NCOA5: variants seen among roughly 807,000 people sequenced by gnomAD.
NCOA5 encodes NCoA-5.
NCOA5 carries 12 observed loss-of-function variants against 59.0 expected under a neutral mutation model. The observed-to-expected ratio is 0.20, with a 90% confidence interval of 0.13 to 0.33. NCOA5 has a LOEUF of 0.33. Ranked by LOEUF, NCOA5 falls within the 10% of genes least tolerant of loss-of-function variation. NCOA5 has a pLI of 1.00. For missense variants in NCOA5, 655 were observed against 766.6 expected (o/e 0.85, Z 1.72); for synonymous variants, 270 against 275.5 (o/e 0.98, Z 0.20).
In NCOA5 at chr20:46,070,528, T is replaced by C. The variant is rs1320682001; in HGVS notation, c.47A>G (p.Tyr16Cys). The C allele has an allele frequency of 1.9e-6, 3 of 1,612,994 alleles. No homozygotes were observed. Among genetic ancestry groups the C allele is most frequent in the Non-Finnish European group, 2.5e-6 (3 of 1,179,334 alleles). Residue 16 changes from tyrosine to cysteine, a missense_variant, in exon 3 of 8, where the codon TAT becomes TGT. Tyr to Cys is a radical substitution (Grantham distance 194). Transcript: ENST00000290231. ...TGAATCTCGACTGTCTCCAAAGCCA[T>C]ATGGATCCCTGTGGGAGGTAGCAAG... ...SRPSPTRRDP[Y>C]GFGDSRDSRR... is the part of the protein sequence containing the mutation.
chr20:46,078,180 T>C (rs1429526704), intron 2 of NCOA5, among the ~76,000 whole-genome samples: 3 of 145,794 alleles, frequency 2.1e-5, no homozygotes, highest in Non-Finnish European at 4.6e-5. Context: ...ACCAGCAGCA[T>C]TACTTGCCCT....
intron 4 of NCOA5, 109 bp from the exon 5 acceptor site, chr20:46,067,290 T>G: frequency 7.6e-7 from 1 of 1,313,428 alleles, no homozygotes; most frequent in Non-Finnish European, 1.0e-6. Context: ...CTCTGGTCTA[T>G]CTCCTAAAAA....
intron 2 of NCOA5, among the ~76,000 whole-genome samples, chr20:46,073,725 CA>C (rs2084908263): frequency 6.6e-6 from 1 of 152,154 alleles, no homozygotes; most frequent in South Asian, 2.1e-4. Flanking sequence ...TGGGGCATGT[CA>C]TAGCATGTTA....
chr20:46,076,607 C>A (rs1372456130), intron 2 of NCOA5, among the ~76,000 whole-genome samples: 3 of 148,034 alleles, frequency 2.0e-5, no homozygotes, highest in Non-Finnish European at 3.0e-5. Context: ...ACTCTTAGTT[C>A]GGTTTTTAGA....
rs2145547263 is a variant in NCOA5, at chr20:46,079,313, T to C, written c.38+74A>G. 5.0e-6 allele frequency: 7 copies of C among 1,402,422 alleles called. No individual in the cohort carries two copies. In the South Asian group the frequency reaches 8.1e-5, roughly 16 times the overall value. 86.9% of individuals were successfully genotyped at this position (1,402,422 alleles called of 1,614,324 possible). ...CTTGTTGGGGGGAAGAAAAGACCTT[T>C]GGTGTACGAAGCTGGGCTTAACTCC... On this transcript the variant is annotated intron_variant, in intron 2 of 7. Coordinates refer to ENST00000290231, the MANE Select transcript of NCOA5 (RefSeq NM_020967.3).
chr20:46,062,192 T>A lies in NCOA5; in HGVS notation c.*108A>T. 1.2e-6 allele frequency: 1 copy of A among 815,800 alleles called. No individual in the cohort carries two copies. The allele number at this position is 815,800 out of a possible 1,614,324, so 50.5% of individuals were successfully genotyped here. ...GGTGGTAGAAATTGATGACACTCGA[T>A]GCCGGCCTGGGAGCGCAGAGAACAT... On this transcript the variant is annotated 3_prime_UTR_variant, in exon 8 of 8. Coordinates refer to ENST00000290231, the MANE Select transcript of NCOA5 (RefSeq NM_020967.3).
chr20:46,073,749 G>A (rs1008540067), intron 2 of NCOA5, among the ~76,000 whole-genome samples: 3 of 152,032 alleles, frequency 2.0e-5, no homozygotes, highest in Non-Finnish European at 2.9e-5. Context: ...TACCACCTTC[G>A]GAGTATTATA....
At chr20:46,087,066 T>C (rs2085053122) in intron 1 of NCOA5, among the ~76,000 whole-genome samples, 1 of 152,144 alleles carries the variant, frequency 6.6e-6, no homozygotes, top group South Asian at 2.1e-4. Flanking sequence ...CATTTCCCTA[T>C]AAATAAAAAA....
In NCOA5 at chr20:46,063,569, G is replaced by C. The variant is rs754625649; in HGVS notation, c.941C>G (p.Ala314Gly). ...CAGGATGGCTTCATCGGCCATCTTG[G>C]CTGCCTGTCTGGCAATCTCCTCACG... The part of the protein sequence containing the change: ...KEREEIARQA[A>G]KMADEAILQE... The change falls in exon 7 of 8, where the codon GCC becomes GGC. Residue 314 changes from alanine to glycine, a missense_variant. Ala to Gly is a moderately conservative substitution (Grantham distance 60). Transcript: ENST00000290231. The C allele has an allele frequency of 1.5e-5, 24 of 1,613,964 alleles. No homozygotes were observed. Among genetic ancestry groups the C allele is most frequent in the Non-Finnish European group, 1.9e-5 (23 of 1,180,032 alleles).
At chr20:46,080,952 T>C (rs915479855) in intron 1 of NCOA5, among the ~76,000 whole-genome samples, 1 of 152,132 alleles carries the variant, frequency 6.6e-6, no homozygotes, top group African/African-American at 2.4e-5. Flanking sequence ...ACAGGCCTTA[T>C]AGGGAATATC....
intron 3 of NCOA5, 132 bp downstream of exon 3, chr20:46,070,078 C>A: frequency 1.4e-6 from 1 of 691,036 alleles, no homozygotes; most frequent in Non-Finnish European, 2.4e-6. Context: ...AGCAGCAGCA[C>A]ATCTATCACT....
intron 1 of NCOA5, among the ~76,000 whole-genome samples, chr20:46,085,374 A>C (rs1269016917): frequency 6.6e-6 from 1 of 152,108 alleles, no homozygotes; most frequent in East Asian, 1.9e-4. Context: ...GTACACAGAT[A>C]ATTACAATAC....
At chr20:46,086,063 G>C (rs1463837380) in intron 1 of NCOA5, among the ~76,000 whole-genome samples, 1 of 152,132 alleles carries the variant, frequency 6.6e-6, no homozygotes, top group Non-Finnish European at 1.5e-5. Flanking sequence ...TTTTTTTGTA[G>C]AGACAGGATC....
intron 2 of NCOA5, among the ~76,000 whole-genome samples, chr20:46,073,871 G>C (rs1600625808): frequency 6.6e-6 from 1 of 152,276 alleles, no homozygotes; most frequent in African/African-American, 2.4e-5. Context: ...CAAAGTCTGG[G>C]TTCAATCTTC....
chr20:46,079,490 G>T, intron 1 of NCOA5, 37 bp from the exon 2 acceptor site: 1 of 1,503,208 alleles, frequency 6.7e-7, no homozygotes, highest in Non-Finnish European at 9.2e-7. Flanking sequence ...TCAATGCTAC[G>T]GAATAAAAAC....
chr20:46,079,509 C>T, intron 1 of NCOA5, 56 bp from the exon 2 acceptor site: 9 of 1,362,908 alleles, frequency 6.6e-6, no homozygotes, highest in South Asian at 1.2e-5. Flanking sequence ...ACAAGATCAT[C>T]AGCACATTTC....
chr20:46,086,184 T>C (rs977194838), intron 1 of NCOA5, among the ~76,000 whole-genome samples: 24 of 152,326 alleles, frequency 1.6e-4, no homozygotes, highest in Non-Finnish European at 7.3e-5. Flanking sequence ...AGCCTTAAGA[T>C]ACTTTACAGA....
Position 46,081,488 on chromosome 20 carries a change from G to A in NCOA5, c.-29-2035C>T, listed in dbSNP as rs746803130. 3.3e-5 allele frequency among the ~76,000 whole-genome samples: 5 copies of A among 152,146 alleles called. No homozygotes were observed. In the South Asian group the frequency reaches 8.3e-4, roughly 25 times the overall value. On this transcript the variant is annotated intron_variant, in intron 1 of 7. Transcript: ENST00000290231. ...ATTTTACTTTGAAGCTGGTGGAATC[G>A]TTTTGTAATTACTTAAAAGATTAAA... is the stretch of plus-strand genomic sequence containing the variant.
chr20:46,074,350 C>G (rs1294079088), intron 2 of NCOA5, among the ~76,000 whole-genome samples: 2 of 152,160 alleles, frequency 1.3e-5, no homozygotes, highest in African/African-American at 2.4e-5. Flanking sequence ...AATCAGGTTT[C>G]TGGAGCATAA....
Sources: allele counts gnomAD v4.1 joint callset (sites outside exome capture counted in the v4.1 genomes callset), GRCh38; gene constraint gnomAD v4.1.1; transcripts MANE v1.5; gene names NCBI Gene and HGNC (gene_info 2026-07-23, HGNC 2026-07-21).